The following ARHGAP18 variants were observed in gnomAD, a reference collection of about 807,000 sequenced individuals.
ARHGAP18 encodes rho GTPase-activating protein 18.
A neutral mutation model predicts 86.2 loss-of-function variants in ARHGAP18; 67 were observed. That is an observed-to-expected ratio of 0.78 (90% CI 0.64 to 0.95). The LOEUF (loss-of-function observed/expected upper bound fraction) is 0.95. ARHGAP18 is among the 40% of genes least tolerant of loss of function. The pLI is 0.00. For missense variants in ARHGAP18, 691 were observed against 780.4 expected, an observed-to-expected ratio of 0.89 and a Z score of 1.37; for synonymous variants, 283 against 280.4, an observed-to-expected ratio of 1.01 and a Z score of -0.09.
intron 7 of ARHGAP18, among the ~76,000 whole-genome samples, chr6:129,615,676 A>T (rs987137274): frequency 1.3e-5 from 2 of 152,212 alleles, no homozygotes; most frequent in African/African-American, 4.8e-5. Context: ...ATGATGGCTC[A>T]GAGGTTGGAC....
chr6:129,675,368 A>G (rs758506438), intron 1 of ARHGAP18, among the ~76,000 whole-genome samples: 14 of 145,534 alleles, frequency 9.6e-5, no homozygotes, highest in African/African-American at 3.6e-4. Context: ...TGGGCAACAG[A>G]GCGAGACTCC....
intron 12 of ARHGAP18, among the ~76,000 whole-genome samples, chr6:129,587,902 G>T (rs775907987): frequency 1.1e-4 from 17 of 152,068 alleles, no homozygotes; most frequent in Non-Finnish European, 2.4e-4. Flanking sequence ...ACTCATTCCA[G>T]CATTTACCCA....
At chr6:129,677,702 C>A (rs947013808) in intron 1 of ARHGAP18, among the ~76,000 whole-genome samples, 5 of 152,210 alleles carry the variant, frequency 3.3e-5, no homozygotes, top group African/African-American at 1.2e-4. Context: ...TACACTATTT[C>A]TCAGAATTCT....
At chr6:129,625,781 A>G (rs1181068603) in intron 5 of ARHGAP18, among the ~76,000 whole-genome samples, 4 of 59,472 alleles carry the variant, frequency 6.7e-5, no homozygotes, top group Admixed American at 3.0e-4. Context: ...ATATTTATAT[A>G]TATAATATAT....
intron 1 of ARHGAP18, among the ~76,000 whole-genome samples, chr6:129,705,088 C>T (rs1774782007): frequency 6.6e-6 from 1 of 152,152 alleles, no homozygotes. Context: ...TCTTTATTTT[C>T]CCCTCCAGGC....
chr6:129,664,501 T>C (rs1289980618), intron 1 of ARHGAP18, among the ~76,000 whole-genome samples: 4 of 152,110 alleles, frequency 2.6e-5, no homozygotes, highest in African/African-American at 9.7e-5. Context: ...GAGATGTTAG[T>C]AAAGAGTGGA....
At chr6:129,629,563 T>G (rs1406830064) in intron 4 of ARHGAP18, 41 bp from the exon 5 acceptor site, 1 of 1,560,418 alleles carries the variant, frequency 6.4e-7, no homozygotes, top group African/African-American at 1.4e-5. Context: ...ATATGCTTTA[T>G]TTATTTTTTA....
chr6:129,663,123 C>T (rs541125454), intron 1 of ARHGAP18, among the ~76,000 whole-genome samples: 2 of 152,260 alleles, frequency 1.3e-5, no homozygotes, highest in South Asian at 2.1e-4. Context: ...GGCCACAAAA[C>T]CCATGCTCAA....
intron 1 of ARHGAP18, among the ~76,000 whole-genome samples, chr6:129,690,399 C>T (rs552561374): frequency 5.3e-5 from 8 of 152,200 alleles, no homozygotes; most frequent in Admixed American, 1.3e-4. Flanking sequence ...CATCTCAAGT[C>T]ATCAATTATT....
At chr6:129,660,551 G>A (rs994047172) in intron 1 of ARHGAP18, among the ~76,000 whole-genome samples, 3 of 152,176 alleles carry the variant, frequency 2.0e-5, no homozygotes, top group Admixed American at 6.5e-5. Flanking sequence ...TGGACCTGCT[G>A]AATCTGAGGT....
chr6:129,686,006 G>A (rs990079933), intron 1 of ARHGAP18, among the ~76,000 whole-genome samples: 1 of 152,174 alleles, frequency 6.6e-6, no homozygotes, highest in Non-Finnish European at 1.5e-5. Flanking sequence ...CCGGGGGCGG[G>A]CGGAGGGGCA....
At chr6:129,591,621 T>C (rs541349805) in intron 12 of ARHGAP18, among the ~76,000 whole-genome samples, 5 of 152,330 alleles carry the variant, frequency 3.3e-5, no homozygotes, top group Admixed American at 1.3e-4. Flanking sequence ...TTTCATAAGG[T>C]ATCTAAAAAC....
intron 1 of ARHGAP18, among the ~76,000 whole-genome samples, chr6:129,666,189 A>G (rs894874096): frequency 6.6e-6 from 1 of 152,172 alleles, no homozygotes; most frequent in Admixed American, 6.5e-5. Context: ...GATGATGCTC[A>G]CACCAGCAAT....
intron 1 of ARHGAP18, among the ~76,000 whole-genome samples, chr6:129,672,172 G>C (rs75970804): frequency 6.6e-6 from 1 of 151,810 alleles, no homozygotes; most frequent in Non-Finnish European, 1.5e-5. Context: ...TGCAATCATC[G>C]CCATTCAAAT....
Position 129,597,207 on chromosome 6 carries a change from G to A in ARHGAP18, c.1713+2009C>T, listed in dbSNP as rs146926541. The stretch of plus-strand genomic sequence containing the variant: ...GTCACCCAAACTGGAGTGCAGTGGC[G>A]CAATCTTGGCTCACTGCCTCCCAGG... On this transcript the variant is annotated intron_variant, in intron 12 of 14. Coordinates refer to ENST00000368149, the MANE Select transcript of ARHGAP18 (RefSeq NM_033515.3). Among the ~76,000 whole-genome samples the A allele has an allele frequency of 3.9e-3, 583 of 150,972 alleles. 3 individuals are homozygous for A. Among genetic ancestry groups the A allele is most frequent in the African/African-American group, 0.013 (546 of 41,014 alleles).
chr6:129,697,074 G>A (rs899518865), intron 1 of ARHGAP18, among the ~76,000 whole-genome samples: 1 of 152,118 alleles, frequency 6.6e-6, no homozygotes, highest in Admixed American at 6.5e-5. Flanking sequence ...TGGACTTCTC[G>A]AAATCCTCGC....
chr6:129,653,736 G>C (rs574503395), intron 1 of ARHGAP18, among the ~76,000 whole-genome samples: 1 of 151,656 alleles, frequency 6.6e-6, no homozygotes, highest in South Asian at 2.1e-4. Context: ...AAAGATACAT[G>C]AAATATAAAA....
At chr6:129,708,746 G>A (rs1347341839) in intron 1 of ARHGAP18, among the ~76,000 whole-genome samples, 1 of 152,190 alleles carries the variant, frequency 6.6e-6, no homozygotes, top group African/African-American at 2.4e-5. Flanking sequence ...TGGGGTTGGT[G>A]TTGCAGGCTG....
chr6:129,625,214 TATATG>T (rs1464361090), intron 5 of ARHGAP18, among the ~76,000 whole-genome samples: 6 of 86,984 alleles, frequency 6.9e-5, no homozygotes, highest in East Asian at 6.7e-4. Flanking sequence ...ATATGTAATA[TATATG>T]ATATATGATA....
Sources: allele counts gnomAD v4.1 joint callset (sites outside exome capture counted in the v4.1 genomes callset), GRCh38; gene constraint gnomAD v4.1.1; transcripts MANE v1.5; gene names NCBI Gene and HGNC (gene_info 2026-07-23, HGNC 2026-07-21).